PTPRD: variants seen among roughly 807,000 people sequenced by gnomAD.
The protein encoded by PTPRD is protein tyrosine phosphatase receptor type D, also known as receptor-type tyrosine-protein phosphatase delta.
PTPRD carries 34 observed loss-of-function variants against 214.5 expected under a neutral mutation model. That is an observed-to-expected ratio of 0.16 (90% CI 0.12 to 0.21). PTPRD has a LOEUF of 0.21. Among genes scored for constraint, PTPRD ranks in the 10% least tolerant of loss-of-function variants. The probability of loss-of-function intolerance (pLI) is 1.00; values close to 1 mark genes in which losing one functional copy is unlikely to be tolerated. For synonymous variants in PTPRD, 1,128 were observed against 845.7 expected, an observed-to-expected ratio of 1.33 and a Z score of -5.79; for missense variants, 2,545 against 2,398.7, an observed-to-expected ratio of 1.06 and a Z score of -1.27.
At chr9:10,195,553 G>C (rs757212357) in intron 3 of PTPRD, among the ~76,000 whole-genome samples, 8 of 152,112 alleles carry the variant, frequency 5.3e-5, no homozygotes, top group Non-Finnish European at 1.0e-4. Flanking sequence ...TTACTTAAAA[G>C]GGAAATAGGC....
chr9:10,254,758 G>A (rs370727234), intron 3 of PTPRD, among the ~76,000 whole-genome samples: 1 of 152,028 alleles, frequency 6.6e-6, no homozygotes, highest in South Asian at 2.1e-4. Context: ...TCCTGCTCAG[G>A]GGTCACAAAG....
intron 11 of PTPRD, among the ~76,000 whole-genome samples, chr9:8,998,249 C>T (rs1012758329): frequency 3.3e-5 from 5 of 152,022 alleles, no homozygotes; most frequent in Admixed American, 1.3e-4. Flanking sequence ...GAAGTCAATG[C>T]CTGGCTTCAG....
At chr9:9,110,293 TC>T (rs1264825245) in intron 10 of PTPRD, among the ~76,000 whole-genome samples, 2 of 151,988 alleles carry the variant, frequency 1.3e-5, no homozygotes, top group Admixed American at 6.6e-5. Context: ...CAAAGAATAG[TC>T]CCCAGACCAG....
At position 9,692,177 on chromosome 9, in the gene PTPRD, T is replaced by G. The variant is rs2097285144; in HGVS notation, c.-287+42356A>C. Among the ~76,000 whole-genome samples, 3 of 151,372 alleles carry G rather than the reference T, an allele frequency of 2.0e-5. No homozygotes were observed. The South Asian group carries it at 6.2e-4, about 31-fold the overall frequency. ...GCTTTGGTTGCCTATGCTTGTGGGA[T>G]ATTCATGAAGAAACATTTGCCCAGA... On this transcript the variant is annotated intron_variant, in intron 7 of 45. Transcript: ENST00000381196.
chr9:8,582,825 T>A (rs1376691575), intron 14 of PTPRD, among the ~76,000 whole-genome samples: 1 of 152,182 alleles, frequency 6.6e-6, no homozygotes, highest in Non-Finnish European at 1.5e-5. Flanking sequence ...AATGGTGATA[T>A]GTGGCAAAGT....
intron 2 of PTPRD, among the ~76,000 whole-genome samples, chr9:10,469,447 A>G (rs530907643): frequency 6.6e-6 from 1 of 152,302 alleles, no homozygotes; most frequent in East Asian, 1.9e-4. Context: ...AAGATCATTA[A>G]AGATAGCAAT....
intron 14 of PTPRD, among the ~76,000 whole-genome samples, chr9:8,554,232 A>G (rs1324976836): frequency 1.3e-5 from 2 of 152,162 alleles, no homozygotes; most frequent in Admixed American, 6.5e-5. Flanking sequence ...TAGTTGGGGA[A>G]GGAAGGATTT....
chr9:9,904,345 G>A (rs1012963274), intron 5 of PTPRD, among the ~76,000 whole-genome samples: 1 of 151,868 alleles, frequency 6.6e-6, no homozygotes, highest in Admixed American at 6.6e-5. Flanking sequence ...TCAGGAAAGG[G>A]AACAAAAAAA....
intron 11 of PTPRD, among the ~76,000 whole-genome samples, chr9:9,001,137 G>A (rs1032020380): frequency 1.6e-4 from 25 of 151,966 alleles, no homozygotes; most frequent in Admixed American, 1.2e-3. Context: ...AAGCACTTTT[G>A]ATTCATGCAT....
At chr9:9,266,810 T>C (rs1333145918) in intron 9 of PTPRD, among the ~76,000 whole-genome samples, 2 of 150,688 alleles carry the variant, frequency 1.3e-5, no homozygotes, top group Non-Finnish European at 3.0e-5. Flanking sequence ...GCCAAAGCAG[T>C]TCTAGGAGAA....
intron 4 of PTPRD, among the ~76,000 whole-genome samples, chr9:9,942,899 T>G (rs1452386111): frequency 6.6e-6 from 1 of 151,858 alleles, no homozygotes; most frequent in African/African-American, 2.4e-5. Context: ...TGAGTTGTTT[T>G]TTTTTTTTTT....
intron 3 of PTPRD, among the ~76,000 whole-genome samples, chr9:10,247,935 G>A (rs1213784744): frequency 6.6e-6 from 1 of 152,070 alleles, no homozygotes; most frequent in Non-Finnish European, 1.5e-5. Context: ...AGTGATAGAC[G>A]ATTGAATTAT....
intron 9 of PTPRD, among the ~76,000 whole-genome samples, chr9:9,247,000 G>A (rs74996713): frequency 2.7e-4 from 6 of 21,824 alleles, no homozygotes; most frequent in African/African-American, 5.3e-4. Context: ...CATTTTCCCC[G>A]AGTGACTCAT....
chr9:8,736,808 C>T (rs1324093765), intron 11 of PTPRD, among the ~76,000 whole-genome samples: 1 of 151,704 alleles, frequency 6.6e-6, no homozygotes, highest in East Asian at 1.9e-4. Flanking sequence ...CTATTGTTAT[C>T]AATCGCCTCT....
intron 14 of PTPRD, among the ~76,000 whole-genome samples, chr9:8,583,878 G>A (rs1283092598): frequency 6.6e-6 from 1 of 152,202 alleles, no homozygotes; most frequent in East Asian, 1.9e-4. Flanking sequence ...TCAGCTGGGT[G>A]CAGTGGCTCA....
At chr9:10,129,380 A>G (rs760120469) in intron 3 of PTPRD, among the ~76,000 whole-genome samples, 8 of 152,062 alleles carry the variant, frequency 5.3e-5, no homozygotes, top group African/African-American at 1.9e-4. Flanking sequence ...TAATTTCAAA[A>G]CTTAATATTC....
chr9:9,822,506 G>GTAAT (rs1233768991), intron 5 of PTPRD, among the ~76,000 whole-genome samples: 1 of 147,306 alleles, frequency 6.8e-6, no homozygotes, highest in Non-Finnish European at 1.5e-5. Context: ...TAATATATAT[G>GTAAT]TAATATATAC....
chr9:8,920,174 C>T (rs546675103), intron 11 of PTPRD, among the ~76,000 whole-genome samples: 17 of 152,098 alleles, frequency 1.1e-4, no homozygotes, highest in African/African-American at 4.1e-4. Flanking sequence ...ATTCCCATCT[C>T]TACTAACATA....
At chr9:10,109,606 A>G (rs906194335) in intron 3 of PTPRD, among the ~76,000 whole-genome samples, 1 of 152,160 alleles carries the variant, frequency 6.6e-6, no homozygotes, top group African/African-American at 2.4e-5. Context: ...GGTGCTGACT[A>G]CCTAACTATT....
Sources: allele counts gnomAD v4.1 joint callset (sites outside exome capture counted in the v4.1 genomes callset), GRCh38; gene constraint gnomAD v4.1.1; transcripts MANE v1.5; gene names NCBI Gene and HGNC (gene_info 2026-07-23, HGNC 2026-07-21).